The following SLC18B1 variants were observed in gnomAD, a reference collection of about 807,000 sequenced individuals.
SLC18B1 encodes MFS-type transporter SLC18B1.
SLC18B1 carries 62 observed loss-of-function variants against 53.9 expected under a neutral mutation model. The ratio of observed to expected loss-of-function variants is 1.15; its 90% confidence interval spans 0.94 to 1.42. The LOEUF is 1.42. Among genes scored for constraint, SLC18B1 ranks in the 40% most tolerant of loss-of-function variants. The pLI is 0.00. For missense variants in SLC18B1, 598 were observed against 547.3 expected, an observed-to-expected ratio of 1.09 and a Z score of -0.93; for synonymous variants, 217 against 200.9, an observed-to-expected ratio of 1.08 and a Z score of -0.68.
At chr6:132,791,308 A>G (rs1007965741) in intron 2 of SLC18B1, among the ~76,000 whole-genome samples, 2 of 152,212 alleles carry the variant, frequency 1.3e-5, no homozygotes, top group African/African-American at 4.8e-5. Flanking sequence ...TAACTTCATA[A>G]TACAGAAATG....
At position 132,790,264 on chromosome 6, in the gene SLC18B1, C is replaced by G; in HGVS notation, c.192G>C (p.Lys64Asn). 1 of 1,549,830 alleles carries G rather than the reference C, an allele frequency of 6.5e-7. No individual in the cohort carries two copies. Among genetic ancestry groups the G allele is most frequent in the Non-Finnish European group, 8.7e-7 (1 of 1,146,490 alleles). Reference protein sequence around the residue: ...LGPFFPKEAEKKGASNTIIGM... With the variant: ...LGPFFPKEAENKGASNTIIGM... ...CGATAATTGTATTGCTGGCTCCCTTCTTTTCAGCCTTTAAGTAATAGAAAC... is the reference window on the plus strand; with the variant it reads ...CGATAATTGTATTGCTGGCTCCCTTGTTTTCAGCCTTTAAGTAATAGAAAC... Residue 64 changes from lysine (K) to asparagine (N), a missense_variant, in exon 3 of 14, where the codon AAG becomes AAC. Physicochemically the swap from Lys to Asn is moderately conservative, Grantham distance 94. Coordinates refer to ENST00000275227, the MANE Select transcript of SLC18B1 (RefSeq NM_052831.3).
chr6:132,774,598 G>GA lies in SLC18B1; in HGVS notation c.898-286dup, dbSNP rs1355063855. On this transcript the variant is annotated intron_variant, in intron 8 of 13. Coordinates refer to ENST00000275227, the MANE Select transcript of SLC18B1 (RefSeq NM_052831.3). ...GATGAACTATTACAAATATAACAAC[G>GA]AAAAAACTCATTATAAAAAGCAGTA... is the stretch of plus-strand genomic sequence containing the variant. Among the ~76,000 whole-genome samples the GA allele has an allele frequency of 2.0e-5, 3 of 152,048 alleles. No individual in the cohort carries two copies. In the East Asian group the frequency reaches 5.8e-4, roughly 29 times the overall value.
Position 132,774,354 on chromosome 6 carries a change from A to T in SLC18B1, c.898-41T>A, listed in dbSNP as rs377202352. 8 of 1,471,102 alleles carry T rather than the reference A, an allele frequency of 5.4e-6. No homozygotes were observed. The Middle Eastern group carries it at 5.2e-4, about 96-fold the overall frequency. 91.1% of individuals were successfully genotyped at this position (1,471,102 alleles called of 1,614,324 possible). A position where few individuals can be genotyped will look rare whatever the true frequency, so the allele number is the denominator to read the frequency against. The stretch of plus-strand genomic sequence containing the variant: ...GAGAGTCAAAATGATTCTTAGAGGC[A>T]AAGACCCTCCATAATCAAACAACGT... On this transcript the variant is annotated intron_variant, in intron 8 of 13. Coordinates refer to ENST00000275227, the MANE Select transcript of SLC18B1 (RefSeq NM_052831.3).
At chr6:132,772,297 G>A in intron 10 of SLC18B1, 91 bp from the exon 11 acceptor site, 4 of 710,324 alleles carry the variant, frequency 5.6e-6, no homozygotes, top group South Asian at 2.5e-5. Context: ...GATAAACCAA[G>A]GATAATCTGG....
In SLC18B1 at chr6:132,770,337, C is replaced by G. The variant is rs767332457; in HGVS notation, c.1305-1G>C. The stretch of plus-strand genomic sequence containing the variant: ...GCTGAGGATGTTTTGAGATTTAGAC[C>G]TACATTGAGGGAAAGAAGAGATGAA... On this transcript the variant is annotated splice_acceptor_variant, in intron 13 of 13. Coordinates refer to ENST00000275227, the MANE Select transcript of SLC18B1 (RefSeq NM_052831.3). LOFTEE classifies it high-confidence loss of function. 6.2e-7 allele frequency: 1 copy of G among 1,611,932 alleles called. No homozygotes were observed.
Position 132,773,019 on chromosome 6 carries a change from A to T in SLC18B1, c.1059T>A (p.Thr353=). The part of the protein sequence containing the change: ...GLSAGMSIIP[T]FPEILSCAHE... ...GTGCACAACTGAGAATTTCCGGGAAAGTTGGAATTATACTCATTCCAGCAG... is the reference window on the plus strand; with the variant it reads ...GTGCACAACTGAGAATTTCCGGGAATGTTGGAATTATACTCATTCCAGCAG... Residue 353 remains threonine (T), a synonymous_variant, in exon 10 of 14, where the codon ACT becomes ACA. Transcript: ENST00000275227. 6.2e-7 allele frequency: 1 copy of T among 1,613,810 alleles called. No homozygotes were observed. Among genetic ancestry groups the T allele is most frequent in the Non-Finnish European group, 8.5e-7 (1 of 1,179,732 alleles).
intron 9 of SLC18B1, among the ~76,000 whole-genome samples, chr6:132,773,876 A>G (rs1346405616): frequency 6.6e-6 from 1 of 152,178 alleles, no homozygotes; most frequent in Non-Finnish European, 1.5e-5. Flanking sequence ...AAGAAAAGAA[A>G]AAAAAAACAA....
rs1339441037 is a variant in SLC18B1, at chr6:132,772,985, T to C, written c.1085+8A>G. On this transcript the variant is annotated splice_region_variant and intron_variant, in intron 10 of 13. Transcript: ENST00000275227. Reference sequence around the variant, plus strand: ...AATACAGCTCTTCAAGCAATGGAAGTAACTTACTGTGCACAACTGAGAATT... The same window carrying C: ...AATACAGCTCTTCAAGCAATGGAAGCAACTTACTGTGCACAACTGAGAATT... 6 of 1,604,016 alleles carry C rather than the reference T, an allele frequency of 3.7e-6. No homozygotes were observed. In the South Asian group the frequency reaches 5.5e-5, roughly 15 times the overall value.
intron 4 of SLC18B1, among the ~76,000 whole-genome samples, chr6:132,788,927 A>C (rs1781455715): frequency 6.8e-6 from 1 of 146,494 alleles, no homozygotes; most frequent in Admixed American, 6.8e-5. Context: ...GAAACCTTCA[A>C]AAAAAAAAAA....
chr6:132,772,825 T>C (rs1358175453), intron 10 of SLC18B1, among the ~76,000 whole-genome samples, 168 bp downstream of exon 10: 1 of 152,230 alleles, frequency 6.6e-6, no homozygotes, highest in Non-Finnish European at 1.5e-5. Flanking sequence ...TCATTTCTAT[T>C]AGTGTATTAT....
chr6:132,782,475 A>G (rs1562266106), intron 6 of SLC18B1, among the ~76,000 whole-genome samples: 2 of 152,154 alleles, frequency 1.3e-5, no homozygotes, highest in African/African-American at 2.4e-5. Context: ...TATAGTCACT[A>G]TGATGTACAA....
In SLC18B1 at chr6:132,789,859, A is replaced by G. The variant is rs542222569; in HGVS notation, c.280-22T>C. 3 of 1,558,078 alleles carry G rather than the reference A, an allele frequency of 1.9e-6. No individual in the cohort carries two copies. The South Asian group carries it at 3.3e-5, about 17-fold the overall frequency. On this transcript the variant is annotated intron_variant, in intron 3 of 13. Coordinates refer to ENST00000275227, the MANE Select transcript of SLC18B1 (RefSeq NM_052831.3). ...CAAGCTATAATAAATGTCAAAGAAG[A>G]GTGGTAAATTTATGACTTCCGAAAG...
chr6:132,780,898 T>C (rs1435279963), intron 6 of SLC18B1, among the ~76,000 whole-genome samples: 2 of 151,978 alleles, frequency 1.3e-5, no homozygotes, highest in African/African-American at 2.4e-5. Flanking sequence ...TATTCAATGG[T>C]GAAATAAATC....
intron 2 of SLC18B1, among the ~76,000 whole-genome samples, chr6:132,791,065 A>G (rs1279683919): frequency 6.6e-6 from 1 of 152,226 alleles, no homozygotes; most frequent in East Asian, 1.9e-4. Flanking sequence ...CAAGTCCCGG[A>G]ACTATTGCAA....
Position 132,779,252 on chromosome 6 carries a change from CA to C in SLC18B1, c.795+15del, listed in dbSNP as rs1464874360. On this transcript the variant is annotated intron_variant, in intron 7 of 13. Coordinates refer to ENST00000275227, the MANE Select transcript of SLC18B1 (RefSeq NM_052831.3). ...CCTGCTACAATGCAGCACTCTTCAG[CA>C]ATCAGGTAACTTACCTTCTCCAAAA... The C allele has an allele frequency of 6.2e-7, 1 of 1,613,040 alleles. No homozygotes were observed. The highest frequency in any genetic ancestry group is 8.5e-7 in the Non-Finnish European group (1 of 1,179,266).
At chr6:132,771,566 A>G (rs1780974497) in intron 11 of SLC18B1, among the ~76,000 whole-genome samples, 1 of 152,216 alleles carries the variant, frequency 6.6e-6, no homozygotes, top group South Asian at 2.1e-4. Flanking sequence ...CTATTAAAGG[A>G]ACTTATAAAT....
chr6:132,786,034 T>C (rs1179691196), intron 5 of SLC18B1, among the ~76,000 whole-genome samples: 1 of 152,052 alleles, frequency 6.6e-6, no homozygotes. Context: ...AAGACATTAA[T>C]GTGAACTGGG....
At chr6:132,786,555 C>CAAAAAAAA (rs56886747) in intron 5 of SLC18B1, among the ~76,000 whole-genome samples, 1 of 78,620 alleles carries the variant, frequency 1.3e-5, no homozygotes, top group African/African-American at 4.5e-5. Flanking sequence ...TCCCCCACTC[C>CAAAAAAAA]AAAAAAAAAA....
At chr6:132,797,471 C>T (rs779350785) in intron 1 of SLC18B1, among the ~76,000 whole-genome samples, 8 of 152,094 alleles carry the variant, frequency 5.3e-5, no homozygotes, top group Non-Finnish European at 8.8e-5. Flanking sequence ...TGGTGGCGGG[C>T]CCCTGTATCC....
Sources: gnomAD v4.1 joint callset for allele counts (sites outside exome capture counted in the v4.1 genomes callset) on GRCh38, gnomAD v4.1.1 for gene constraint, MANE v1.5 for transcripts, NCBI Gene and HGNC (gene_info 2026-07-23, HGNC 2026-07-21) for gene names.